Variants in MAP2K5 observed in about 807,000 individuals in gnomAD.
MAP2K5 encodes mitogen-activated protein kinase kinase 5.
A neutral mutation model predicts 83.1 loss-of-function variants in MAP2K5; 49 were observed. The observed-to-expected ratio is 0.59, with a 90% CI of 0.47 to 0.75. The LOEUF (loss-of-function observed/expected upper bound fraction) is 0.75, where lower values mean the gene tolerates loss of function less well. Among genes scored for constraint, MAP2K5 ranks in the 30% least tolerant of loss-of-function variants. MAP2K5 has a pLI of 0.00. For missense variants in MAP2K5, 457 were observed against 557.5 expected (o/e 0.82, Z 1.82); for synonymous variants, 202 against 191.8 (o/e 1.05, Z -0.44).
rs1192531943 is a variant in MAP2K5, at chr15:67,565,908, C to A, written c.252+2558C>A. Among the ~76,000 whole-genome samples the A allele has an allele frequency of 6.6e-6, 1 of 152,142 alleles. No homozygotes were observed. The highest frequency in any genetic ancestry group is 1.5e-5 in the Non-Finnish European group (1 of 68,018). On this transcript the variant is annotated intron_variant, in intron 3 of 21. Transcript: ENST00000178640. This position sits in a 1 kb window ranked among gnomAD's most constrained non-coding sequence, Gnocchi z 4.1. ...TACAGGCGTGAGCCAAGGTGCCTGG[C>A]CAGGTTGGCTGTCATTTTGATCTGT...
rs142192154 is a variant in MAP2K5, at chr15:67,718,833, G to T, written c.1045-9083G>T. Among the ~76,000 whole-genome samples the T allele has an allele frequency of 2.0e-5, 3 of 152,174 alleles. No homozygotes were observed. In the East Asian group the frequency reaches 5.8e-4, roughly 29 times the overall value. ...GGGTACATGAGATATTTTGATACAG[G>T]CATACAATGTGTAATAATCACATCA... On this transcript the variant is annotated intron_variant, in intron 16 of 21. Coordinates refer to ENST00000178640, the MANE Select transcript of MAP2K5 (RefSeq NM_145160.3).
intron 19 of MAP2K5, among the ~76,000 whole-genome samples, chr15:67,762,050 G>A (rs884202): frequency 0.62 from 94,339 of 152,052 alleles, 29,979 homozygotes; most frequent in Non-Finnish European, 0.68. Flanking sequence ...ACCAGCCTGA[G>A]CAGGAGACTT....
intron 16 of MAP2K5, among the ~76,000 whole-genome samples, chr15:67,713,735 CAAAA>C (rs1436737104): frequency 8.1e-6 from 1 of 122,884 alleles, no homozygotes; most frequent in Non-Finnish European, 1.8e-5. Context: ...GACTCCGTCT[CAAAA>C]AAAAAAAAAA....
intron 1 of MAP2K5, chr15:67,549,143 A>G (rs1356028494): frequency 1.3e-6 from 2 of 1,535,470 alleles, no homozygotes; most frequent in Non-Finnish European, 1.7e-6. Context: ...GCTCCTGGAG[A>G]GAAATGAGGT....
At chr15:67,556,189 G>A (rs796691131) in intron 2 of MAP2K5, among the ~76,000 whole-genome samples, 3 of 152,276 alleles carry the variant, frequency 2.0e-5, no homozygotes, top group African/African-American at 7.2e-5. Flanking sequence ...CCAATATTAA[G>A]GTTGGCCCTT....
At chr15:67,627,109 A>C (rs2086343407) in intron 8 of MAP2K5, among the ~76,000 whole-genome samples, 1 of 151,928 alleles carries the variant, frequency 6.6e-6, no homozygotes, top group Non-Finnish European at 1.5e-5. Context: ...CCACGATGCC[A>C]GGTAATTATT....
rs1014805075 is a variant in MAP2K5, at chr15:67,760,500, C to T, written c.1135-9102C>T. Among the ~76,000 whole-genome samples the T allele has an allele frequency of 6.6e-6, 1 of 152,090 alleles. No individual in the cohort carries two copies. The highest frequency in any genetic ancestry group is 1.5e-5 in the Non-Finnish European group (1 of 68,028). ...GCACTGAGTGAATTCAGCCAATAGA[C>T]CTTATCCATTTCTTCTTTTTTACTA... is the stretch of plus-strand genomic sequence containing the variant. On this transcript the variant is annotated intron_variant, in intron 19 of 21. Transcript: ENST00000178640. This position sits in a 1 kb window ranked among gnomAD's most constrained non-coding sequence, Gnocchi z 4.1.
intron 16 of MAP2K5, among the ~76,000 whole-genome samples, chr15:67,716,783 C>T (rs2088836375): frequency 6.6e-6 from 1 of 152,134 alleles, no homozygotes; most frequent in Non-Finnish European, 1.5e-5. Context: ...TGCTCAGTGT[C>T]ATTCTAACAA....
intron 21 of MAP2K5, among the ~76,000 whole-genome samples, chr15:67,803,005 C>G (rs1596999026): frequency 1.3e-5 from 2 of 152,340 alleles, no homozygotes; most frequent in Admixed American, 1.3e-4. Context: ...GCCCAACTGC[C>G]TGGTTGGTTG....
intron 2 of MAP2K5, among the ~76,000 whole-genome samples, chr15:67,551,876 A>G (rs1261539768): frequency 2.7e-5 from 4 of 149,990 alleles, no homozygotes; most frequent in African/African-American, 7.5e-5. Flanking sequence ...GATTTTTTAC[A>G]TTTGTACGGA....
At chr15:67,806,544 T>G in intron 21 of MAP2K5, 102 bp from the exon 22 acceptor site, 1 of 1,009,436 alleles carries the variant, frequency 9.9e-7, no homozygotes, top group Non-Finnish European at 1.4e-6. Flanking sequence ...ACAGGGTTAC[T>G]GGGGAAAGAG....
rs1314174231 is a variant in MAP2K5, at chr15:67,719,157, T to C, written c.1045-8759T>C. Among the ~76,000 whole-genome samples, 1 of 152,174 alleles carries C rather than the reference T, an allele frequency of 6.6e-6. No individual in the cohort carries two copies. Among genetic ancestry groups the C allele is most frequent in the Non-Finnish European group, 1.5e-5 (1 of 68,030 alleles). ...TTTCTTCCTTGGCAACCTTTTAATC[T>C]TTAATAAGAAATAAGTCATCTAAAT... On this transcript the variant is annotated intron_variant, in intron 16 of 21. Transcript: ENST00000178640. The surrounding 1 kb of genome is among the most constrained non-coding windows in gnomAD (Gnocchi z 4.6).
intron 21 of MAP2K5, among the ~76,000 whole-genome samples, chr15:67,803,329 G>A (rs1032065972): frequency 2.0e-5 from 3 of 152,302 alleles, no homozygotes; most frequent in South Asian, 2.1e-4. Context: ...TAGGGCATCT[G>A]GCTGTGTGGA....
intron 17 of MAP2K5, among the ~76,000 whole-genome samples, chr15:67,731,086 G>A (rs2089209583): frequency 6.6e-6 from 1 of 152,212 alleles, no homozygotes; most frequent in African/African-American, 2.4e-5. Context: ...GCACAAAACA[G>A]AATTTCCCAG....
At chr15:67,732,358 A>G (rs1333751215) in intron 17 of MAP2K5, among the ~76,000 whole-genome samples, 1 of 152,200 alleles carries the variant, frequency 6.6e-6, no homozygotes, top group Admixed American at 6.5e-5. Flanking sequence ...GATGATAGCA[A>G]ATCCATTAAG....
intron 1 of MAP2K5, among the ~76,000 whole-genome samples, chr15:67,544,351 T>C (rs556587897): frequency 6.6e-6 from 1 of 152,368 alleles, no homozygotes; most frequent in East Asian, 1.9e-4. Flanking sequence ...ATATTTTACA[T>C]TCAGATTTTT....
Position 67,748,492 on chromosome 15 carries a change from T to A in MAP2K5, c.1102-77T>A, listed in dbSNP as rs2089652543. On this transcript the variant is annotated intron_variant, in intron 18 of 21. Transcript: ENST00000178640. This position sits in a 1 kb window ranked among gnomAD's most constrained non-coding sequence, Gnocchi z 4.0. ...ATCTTGCTATATTTTATTGCATTAA[T>A]GATTTTTTCTTTCCACTCCACTGTA... 8.0e-7 allele frequency: 1 copy of A among 1,257,174 alleles called. No homozygotes were observed. The highest frequency in any genetic ancestry group is 2.3e-5 in the East Asian group (1 of 43,094). The allele number at this position is 1,257,174 out of a possible 1,614,324, so 77.9% of individuals were successfully genotyped here.
At chr15:67,806,110 C>T (rs373906395) in intron 21 of MAP2K5, among the ~76,000 whole-genome samples, 4 of 152,358 alleles carry the variant, frequency 2.6e-5, no homozygotes, top group South Asian at 4.1e-4. Context: ...CATTCCTCCC[C>T]CTCCCCACTT....
intron 13 of MAP2K5, among the ~76,000 whole-genome samples, chr15:67,669,160 T>C (rs1329515332): frequency 1.3e-5 from 2 of 152,184 alleles, no homozygotes; most frequent in Non-Finnish European, 2.9e-5. Context: ...CTAGGCGCTT[T>C]CACAGTACTT....
Sources: gnomAD v4.1 joint callset for allele counts (sites outside exome capture counted in the v4.1 genomes callset) on GRCh38, gnomAD v4.1.1 for gene constraint, Gnocchi (gnomAD v3.1) non-coding constraint, MANE v1.5 for transcripts, NCBI Gene and HGNC (gene_info 2026-07-23, HGNC 2026-07-21) for gene names.